Variants in GRIP1 observed in about 807,000 individuals in gnomAD.
The protein encoded by GRIP1 is glutamate receptor-interacting protein 1.
In GRIP1, 45 loss-of-function variants were observed where a neutral mutation model predicts 129.9. The observed-to-expected ratio is 0.35, with a 90% confidence interval of 0.27 to 0.44. The LOEUF (loss-of-function observed/expected upper bound fraction) is 0.44, where lower values mean the gene tolerates loss of function less well. Among genes scored for constraint, GRIP1 ranks in the 20% least tolerant of loss-of-function variants. The probability of loss-of-function intolerance (pLI) is 1.00; values close to 1 mark genes in which losing one functional copy is unlikely to be tolerated. For missense variants in GRIP1, 1,196 were observed against 1,396.8 expected, an observed-to-expected ratio of 0.86 and a Z score of 2.29; for synonymous variants, 530 against 520.8, an observed-to-expected ratio of 1.02 and a Z score of -0.24.
At chr12:66,767,620 T>A (rs2037683782) in intron 1 of GRIP1, among the ~76,000 whole-genome samples, 1 of 150,896 alleles carries the variant, frequency 6.6e-6, no homozygotes, top group African/African-American at 2.4e-5. Context: ...TTGACGGTAT[T>A]AATAGGCTAC....
intron 1 of GRIP1, among the ~76,000 whole-genome samples, chr12:66,637,619 C>A (rs2031527339): frequency 6.6e-6 from 1 of 151,500 alleles, no homozygotes; most frequent in Non-Finnish European, 1.5e-5. Flanking sequence ...AGTAATTAAG[C>A]TCGACTTAAA....
intron 7 of GRIP1, among the ~76,000 whole-genome samples, chr12:66,495,080 T>C (rs2060199641): frequency 6.6e-6 from 1 of 152,250 alleles, no homozygotes; most frequent in South Asian, 2.1e-4. Flanking sequence ...CTTCTCTACT[T>C]CTTCCTGGGT....
At chr12:67,053,081 T>C (rs961859278) in intron 1 of GRIP1, among the ~76,000 whole-genome samples, 1 of 152,186 alleles carries the variant, frequency 6.6e-6, no homozygotes, top group Non-Finnish European at 1.5e-5. Context: ...AGTTCCATGA[T>C]GAGGAATCCA....
intron 13 of GRIP1, among the ~76,000 whole-genome samples, chr12:66,433,352 C>T (rs1301472436): frequency 2.0e-5 from 3 of 152,134 alleles, no homozygotes; most frequent in Admixed American, 6.5e-5. Flanking sequence ...ACACAGGGAC[C>T]CAGCAGATTC....
chr12:66,444,882 G>A (rs1015345054), intron 12 of GRIP1, among the ~76,000 whole-genome samples, 153 bp from the exon 13 acceptor site: 3 of 152,174 alleles, frequency 2.0e-5, no homozygotes, highest in Non-Finnish European at 4.4e-5. Flanking sequence ...CAAATTCAAC[G>A]TCGTGTGTTG....
At chr12:66,391,592 C>T (rs1309258721) in intron 19 of GRIP1, among the ~76,000 whole-genome samples, 1 of 152,136 alleles carries the variant, frequency 6.6e-6, no homozygotes, top group Non-Finnish European at 1.5e-5. Flanking sequence ...TGGCTCATGC[C>T]TATTATCCTA....
intron 24 of GRIP1, among the ~76,000 whole-genome samples, chr12:66,350,392 G>T (rs982303201): frequency 2.0e-5 from 3 of 152,118 alleles, no homozygotes; most frequent in Admixed American, 6.6e-5. Flanking sequence ...AGCTACTTGG[G>T]AGCTGGCTGA....
At chr12:66,363,812 G>A (rs951206582) in intron 23 of GRIP1, among the ~76,000 whole-genome samples, 1 of 152,142 alleles carries the variant, frequency 6.6e-6, no homozygotes, top group African/African-American at 2.4e-5. Context: ...AAAGTAGAAT[G>A]GTGGTTACTA....
At chr12:66,885,213 C>A (rs1242547131) in intron 1 of GRIP1, among the ~76,000 whole-genome samples, 2 of 152,124 alleles carry the variant, frequency 1.3e-5, no homozygotes, top group Non-Finnish European at 2.9e-5. Flanking sequence ...CTCAGTGGTG[C>A]CTCACGCCCA....
At chr12:66,808,712 T>C (rs2039046156), upstream of GRIP1, among the ~76,000 whole-genome samples, 1 of 152,196 alleles carries the variant, frequency 6.6e-6, no homozygotes, top group Non-Finnish European at 1.5e-5. Context: ...TTGAGCCTGA[T>C]TCCAATATGG....
intron 1 of GRIP1, among the ~76,000 whole-genome samples, chr12:66,758,200 T>C (rs1304990228): frequency 1.3e-5 from 2 of 152,146 alleles, no homozygotes; most frequent in South Asian, 2.1e-4. Context: ...ACAGTTCCAC[T>C]TGGCTGGGGA....
chr12:66,812,622 A>G (rs189598639), intron 1 of GRIP1, among the ~76,000 whole-genome samples: 2 of 152,362 alleles, frequency 1.3e-5, no homozygotes, highest in African/African-American at 4.8e-5. Context: ...TACAAGTTCA[A>G]GTAAAGAGTT....
At chr12:67,007,731 G>T in intron 1 of GRIP1, among the ~76,000 whole-genome samples, 1 of 152,018 alleles carries the variant, frequency 6.6e-6, no homozygotes, top group East Asian at 1.9e-4. Context: ...GAAAATCATG[G>T]TCATGGTGTG....
At chr12:66,521,435 G>A (rs530015601) in intron 5 of GRIP1, among the ~76,000 whole-genome samples, 1 of 152,276 alleles carries the variant, frequency 6.6e-6, no homozygotes, top group African/African-American at 2.4e-5. Flanking sequence ...TAATAATTTT[G>A]ATAGAATTTT....
In GRIP1 at chr12:66,743,984, A is replaced by G. The variant is rs368515047; in HGVS notation, c.-420+60069T>C. 5.9e-5 allele frequency among the ~76,000 whole-genome samples: 9 copies of G among 152,240 alleles called. No homozygotes were observed. The East Asian group carries it at 9.7e-4, about 16-fold the overall frequency. On this transcript the variant is annotated intron_variant, in intron 1 of 4. Transcript: ENST00000538373. ...CTTGTCCTTATCTATGATAATAGTA[A>G]TTTCTTTTTCAGGTTCCTTCAGTGC...
chr12:66,687,507 C>T (rs975632968), intron 1 of GRIP1, among the ~76,000 whole-genome samples: 2 of 151,922 alleles, frequency 1.3e-5, no homozygotes, highest in Admixed American at 6.6e-5. Flanking sequence ...CTATGCCAGC[C>T]ACCATGATGG....
At chr12:66,683,126 T>G (rs2034649440), upstream of GRIP1, among the ~76,000 whole-genome samples, 1 of 152,086 alleles carries the variant, frequency 6.6e-6, no homozygotes, top group Non-Finnish European at 1.5e-5. Context: ...TAAAACTCAG[T>G]GTTCTCGGAG....
Position 66,539,240 on chromosome 12 carries a change from G to A in GRIP1, c.273-17C>T, listed in dbSNP as rs1177746057. The A allele has an allele frequency of 6.2e-7, 1 of 1,613,812 alleles. No individual in the cohort carries two copies. The highest frequency in any genetic ancestry group is 1.3e-5 in the African/African-American group (1 of 74,910). On this transcript the variant is annotated splice_polypyrimidine_tract_variant and intron_variant, in intron 3 of 24. Transcript: ENST00000359742. The stretch of plus-strand genomic sequence containing the variant: ...TGGTCACTTCTGCAAAATAGACAAT[G>A]TTGTTTCAACAGACCCACCCTCTCC...
chr12:66,753,294 G>A (rs1482332464), intron 1 of GRIP1, among the ~76,000 whole-genome samples: 3 of 151,896 alleles, frequency 2.0e-5, no homozygotes, highest in Middle Eastern at 6.3e-3. Context: ...ATGTGGCTAC[G>A]TATATGAATC....
Sources: gnomAD v4.1 joint callset for allele counts (sites outside exome capture counted in the v4.1 genomes callset) on GRCh38, gnomAD v4.1.1 for gene constraint, MANE v1.5 for transcripts, NCBI Gene and HGNC (gene_info 2026-07-23, HGNC 2026-07-21) for gene names.